Variants in NAALADL2 observed in about 807,000 individuals in gnomAD.
NAALADL2 encodes N-acetylated alpha-linked acidic dipeptidase like 2, also known as inactive N-acetylated-alpha-linked acidic dipeptidase-like protein 2.
NAALADL2 carries 76 observed loss-of-function variants against 87.2 expected under a neutral mutation model. The observed-to-expected ratio is 0.87, with a 90% CI of 0.72 to 1.05. The LOEUF (loss-of-function observed/expected upper bound fraction) is 1.05, where lower values mean the gene tolerates loss of function less well. Among genes scored for constraint, NAALADL2 ranks in the 50% least tolerant of loss-of-function variants. The pLI, the probability that NAALADL2 is intolerant of heterozygous loss-of-function variation, is 0.00. For missense variants in NAALADL2, 1,089 were observed against 945.8 expected, an observed-to-expected ratio of 1.15 and a Z score of -1.99; for synonymous variants, 354 against 331.0, an observed-to-expected ratio of 1.07 and a Z score of -0.75.
intron 1 of NAALADL2, among the ~76,000 whole-genome samples, chr3:175,022,751 A>G (rs1040885884): frequency 6.6e-6 from 1 of 152,080 alleles, no homozygotes; most frequent in African/African-American, 2.4e-5. Context: ...CTGGGAATGT[A>G]TTGACGGATT....
intron 2 of NAALADL2, among the ~76,000 whole-genome samples, chr3:175,199,866 T>TGTA (rs1739743130): frequency 1.0e-4 from 1 of 10,046 alleles, no homozygotes; most frequent in African/African-American, 3.5e-4. Flanking sequence ...ATATATATAT[T>TGTA]TTTTTTTTTT....
upstream of NAALADL2, among the ~76,000 whole-genome samples, chr3:174,857,383 T>A (rs768712476): frequency 6.6e-6 from 1 of 152,190 alleles, no homozygotes; most frequent in African/African-American, 2.4e-5. Flanking sequence ...TGTTTATATT[T>A]GTATGGATTT....
At chr3:174,483,711 A>AT (rs1409784518) in intron 1 of NAALADL2, among the ~76,000 whole-genome samples, 2 of 152,032 alleles carry the variant, frequency 1.3e-5, no homozygotes, top group Non-Finnish European at 2.9e-5. Context: ...CTTAACTCGA[A>AT]TACTTAAGTT....
In NAALADL2 at chr3:175,333,429, C is replaced by G. The variant is rs888168500; in HGVS notation, c.1090+9104C>G. The stretch of plus-strand genomic sequence containing the variant: ...GTGGCTGTAAGCAAGATAGCTTATC[C>G]TCAAGGTGCTTGGATAAATAAAATG... On this transcript the variant is annotated intron_variant, in intron 5 of 13. Transcript: ENST00000454872. Among the ~76,000 whole-genome samples the G allele has an allele frequency of 3.9e-5, 6 of 152,264 alleles. No individual in the cohort carries two copies. In the East Asian group the frequency reaches 1.2e-3, roughly 29 times the overall value.
At position 175,495,500 on chromosome 3, in the gene NAALADL2, C is replaced by T. The variant is rs559427759; in HGVS notation, c.1653+23742C>T. On this transcript the variant is annotated intron_variant, in intron 9 of 13. Transcript: ENST00000454872. ...TTCTAGGTTGATGCAAAAGTAATTG[C>T]GGTTTTTGCAATTACTTTTGCACCA... is the stretch of plus-strand genomic sequence containing the variant. Among the ~76,000 whole-genome samples, 5 of 152,074 alleles carry T rather than the reference C, an allele frequency of 3.3e-5. No individual in the cohort carries two copies. In the East Asian group the frequency reaches 9.7e-4, roughly 29 times the overall value.
rs1037989729 is a variant in NAALADL2, at chr3:175,365,839, AT to A, written c.1090+41522del. Among the ~76,000 whole-genome samples the A allele has an allele frequency of 2.5e-4, 37 of 146,968 alleles. 4 individuals are homozygous for A. The Middle Eastern group carries it at 0.01, about 41-fold the overall frequency. On this transcript the variant is annotated intron_variant, in intron 5 of 13. Coordinates refer to ENST00000454872, the MANE Select transcript of NAALADL2 (RefSeq NM_207015.3). ...AAGCAACTGTAATGAAAATAGTTACATTTTTTTTAAGCATCTGAACTTTATT... is the reference window on the plus strand; with the variant it reads ...AAGCAACTGTAATGAAAATAGTTACATTTTTTTAAGCATCTGAACTTTATT...
rs116324426 is a variant in NAALADL2 at position 175,323,546 on chromosome 3, G to A, written c.940-629G>A. Among the ~76,000 whole-genome samples, 1,153 of 151,512 alleles carry A rather than the reference G, an allele frequency of 7.6e-3. 19 individuals carry two copies. The highest frequency in any genetic ancestry group is 0.027 in the African/African-American group (1,106 of 41,276). On this transcript the variant is annotated intron_variant, in intron 4 of 13. Coordinates refer to ENST00000454872, the MANE Select transcript of NAALADL2 (RefSeq NM_207015.3). ...ATCCTCTATTAATCCAAAAAAAGTA[G>A]AAAGTTAAAATCCACTTAGTTAAAA...
At chr3:175,365,338 T>C (rs1765436812) in intron 5 of NAALADL2, among the ~76,000 whole-genome samples, 1 of 147,408 alleles carries the variant, frequency 6.8e-6, no homozygotes, top group African/African-American at 2.5e-5. Context: ...CATTATTTCA[T>C]TATTTTGGTG....
intron 6 of NAALADL2, among the ~76,000 whole-genome samples, chr3:175,453,862 T>G (rs1356882777): frequency 6.6e-6 from 1 of 152,132 alleles, no homozygotes. Context: ...CATTTTCCCT[T>G]GTAGTTAGTC....
At chr3:174,768,405 T>G (rs1714123197) in intron 3 of NAALADL2, among the ~76,000 whole-genome samples, 1 of 152,212 alleles carries the variant, frequency 6.6e-6, no homozygotes, top group Non-Finnish European at 1.5e-5. Flanking sequence ...TTTGATTACC[T>G]TTGGCATTAA....
chr3:175,060,118 G>A (rs1713109736), intron 1 of NAALADL2: 1 of 213,750 alleles, frequency 4.7e-6, no homozygotes, highest in Admixed American at 5.3e-5. Flanking sequence ...AAAAAAGCTA[G>A]TTTTGGTTTG....
intron 13 of NAALADL2, among the ~76,000 whole-genome samples, chr3:175,791,092 C>T (rs1752722548): frequency 6.6e-6 from 1 of 152,134 alleles, no homozygotes; most frequent in South Asian, 2.1e-4. Context: ...AGGTTATTCT[C>T]ATGCACATTA....
At chr3:175,420,446 G>A (rs929660751) in intron 5 of NAALADL2, among the ~76,000 whole-genome samples, 3 of 152,042 alleles carry the variant, frequency 2.0e-5, no homozygotes, top group African/African-American at 2.4e-5. Flanking sequence ...GAGCATACTC[G>A]TTAAAACAAG....
At chr3:174,735,586 A>G (rs950494021) in intron 2 of NAALADL2, among the ~76,000 whole-genome samples, 6 of 151,878 alleles carry the variant, frequency 4.0e-5, no homozygotes, top group African/African-American at 1.2e-4. Context: ...TTGAGGCAGG[A>G]TCTCACTCTG....
chr3:175,538,108 C>T (rs541083795), intron 9 of NAALADL2, among the ~76,000 whole-genome samples: 1 of 152,152 alleles, frequency 6.6e-6, no homozygotes, highest in South Asian at 2.1e-4. Flanking sequence ...GGAAGTGAAA[C>T]AGACTAAGTA....
At chr3:174,850,973 A>G (rs1725172398) in intron 3 of NAALADL2, among the ~76,000 whole-genome samples, 1 of 152,166 alleles carries the variant, frequency 6.6e-6, no homozygotes, top group Admixed American at 6.5e-5. Context: ...TGGAAACTCT[A>G]CAAACACTTG....
At chr3:174,484,083 A>G (rs1036959232) in intron 1 of NAALADL2, among the ~76,000 whole-genome samples, 2 of 152,082 alleles carry the variant, frequency 1.3e-5, no homozygotes, top group Admixed American at 6.6e-5. Context: ...CTGCAAAGAG[A>G]AAAATACATG....
At chr3:175,570,736 C>T (rs536284565) in intron 9 of NAALADL2, among the ~76,000 whole-genome samples, 27 of 151,884 alleles carry the variant, frequency 1.8e-4, no homozygotes, top group Admixed American at 4.6e-4. Flanking sequence ...AAAAATTAGC[C>T]GGGCGTGGTG....
At chr3:174,959,777 A>G (rs965239573) in intron 1 of NAALADL2, among the ~76,000 whole-genome samples, 1 of 152,104 alleles carries the variant, frequency 6.6e-6, no homozygotes, top group African/African-American at 2.4e-5. Context: ...TTAACTGAAT[A>G]CAGGCTTAAG....
Sources: allele counts gnomAD v4.1 joint callset (sites outside exome capture counted in the v4.1 genomes callset), GRCh38; gene constraint gnomAD v4.1.1; transcripts MANE v1.5; gene names NCBI Gene and HGNC (gene_info 2026-07-23, HGNC 2026-07-21).